The following PCCA variants were observed in gnomAD, a reference collection of about 807,000 sequenced individuals.
PCCA encodes the protein propionyl-CoA carboxylase alpha chain, mitochondrial.
In PCCA, 74 loss-of-function variants were observed where a neutral mutation model predicts 101.3. The observed-to-expected ratio is 0.73, with a 90% CI of 0.61 to 0.89. The LOEUF (loss-of-function observed/expected upper bound fraction) is 0.89. PCCA is among the 40% of genes least tolerant of loss of function. The pLI, the probability that PCCA is intolerant of heterozygous loss-of-function variation, is 0.00. For synonymous variants in PCCA, 294 were observed against 313.6 expected (o/e 0.94, Z 0.66); for missense variants, 891 against 907.0 (o/e 0.98, Z 0.23).
At chr13:100,421,928 G>A (rs889403047) in intron 19 of PCCA, among the ~76,000 whole-genome samples, 5 of 151,984 alleles carry the variant, frequency 3.3e-5, no homozygotes, top group South Asian at 2.1e-4. Context: ...TAGGTGATCC[G>A]CCCGCCTCGG....
intron 12 of PCCA, among the ~76,000 whole-genome samples, chr13:100,283,281 A>G (rs1259718740): frequency 6.6e-6 from 1 of 152,182 alleles, no homozygotes; most frequent in East Asian, 1.9e-4. Context: ...GAAAGGGACA[A>G]ATTCCCTACC....
At chr13:100,397,462 GA>G (rs1008733388) in intron 19 of PCCA, among the ~76,000 whole-genome samples, 93 of 152,118 alleles carry the variant, frequency 6.1e-4, no homozygotes, top group African/African-American at 2.2e-3. Context: ...TCATTTCTCT[GA>G]AAAAGTAATA....
At chr13:100,484,846 C>G (rs188669980) in intron 21 of PCCA, among the ~76,000 whole-genome samples, 1 of 152,176 alleles carries the variant, frequency 6.6e-6, no homozygotes, top group African/African-American at 2.4e-5. Context: ...CTGGTGAGCA[C>G]CTCGGTAGGA....
rs779126900 is a variant in PCCA at position 100,394,172 on chromosome 13, C to T, written c.1746+25598C>T. The stretch of plus-strand genomic sequence containing the variant: ...AGCTTCTCAGATGGATTTAATTAGT[C>T]CTTCGTAGAACTGGATGTCCGTTTG... On this transcript the variant is annotated intron_variant, in intron 19 of 23. Coordinates refer to ENST00000376285, the MANE Select transcript of PCCA (RefSeq NM_000282.4). The surrounding 1 kb of genome is among the most constrained non-coding windows in gnomAD (Gnocchi z 4.3). 1.2e-4 allele frequency among the ~76,000 whole-genome samples: 19 copies of T among 152,162 alleles called. No individual in the cohort carries two copies. The highest frequency in any genetic ancestry group is 2.1e-4 in the Non-Finnish European group (14 of 68,020).
At chr13:100,362,501 C>A (rs1279283271) in intron 18 of PCCA, among the ~76,000 whole-genome samples, 1 of 152,026 alleles carries the variant, frequency 6.6e-6, no homozygotes. Context: ...CACAAGGAGG[C>A]TAAGTAAGTT....
Position 100,520,451 on chromosome 13 carries a change from C to A in PCCA, c.2040+4884C>A, listed in dbSNP as rs188655409. The stretch of plus-strand genomic sequence containing the variant: ...TCACGAGGTCAGGAGATCGAGACCA[C>A]GGTGAAACCCCGTCTCTACTAAAAA... On this transcript the variant is annotated intron_variant, in intron 22 of 23. Coordinates refer to ENST00000376285, the MANE Select transcript of PCCA (RefSeq NM_000282.4). 9.2e-5 allele frequency among the ~76,000 whole-genome samples: 14 copies of A among 151,812 alleles called. No individual in the cohort carries two copies. In the East Asian group the frequency reaches 1.4e-3, roughly 15 times the overall value.
rs1181444150 is a variant in PCCA at position 100,273,181 on chromosome 13, T to G, written c.915-15T>G. The G allele has an allele frequency of 6.2e-7, 1 of 1,607,760 alleles. No individual in the cohort carries two copies. Among genetic ancestry groups the G allele is most frequent in the Admixed American group, 1.7e-5 (1 of 59,986 alleles). On this transcript the variant is annotated splice_polypyrimidine_tract_variant and intron_variant, in intron 11 of 23. Coordinates refer to ENST00000376285, the MANE Select transcript of PCCA (RefSeq NM_000282.4). ...TTTGTCCGAAATGTAGACAAACATT[T>G]TTTTGTATATGTAGCATTTTTTTGG...
chr13:100,469,224 A>AAAAAAAAAAAAAAAAAG (rs1235528727), intron 21 of PCCA, among the ~76,000 whole-genome samples: 12 of 150,296 alleles, frequency 8.0e-5, no homozygotes, highest in African/African-American at 2.9e-4. Context: ...AAAAAAAAAA[A>AAAAAAAAAAAAAAAAAG]AAAGAATCCC....
intron 15 of PCCA, among the ~76,000 whole-genome samples, chr13:100,307,606 A>G (rs184004635): frequency 1.8e-4 from 28 of 152,342 alleles, no homozygotes; most frequent in African/African-American, 6.7e-4. Flanking sequence ...AGATGGAAGT[A>G]TGAATGAATG....
intron 8 of PCCA, among the ~76,000 whole-genome samples, chr13:100,241,762 G>A (rs991971476): frequency 1.3e-5 from 2 of 152,104 alleles, no homozygotes; most frequent in Non-Finnish European, 2.9e-5. Context: ...ACTGCACCTG[G>A]CCTTATCTAT....
intron 6 of PCCA, among the ~76,000 whole-genome samples, chr13:100,158,959 A>G (rs868383030): frequency 1.3e-5 from 2 of 150,692 alleles, no homozygotes; most frequent in South Asian, 4.1e-4. Context: ...TATGAGTAGG[A>G]TAAGTGATGT....
At chr13:100,404,438 AAG>A in intron 19 of PCCA, among the ~76,000 whole-genome samples, 1 of 152,280 alleles carries the variant, frequency 6.6e-6, no homozygotes, top group Admixed American at 6.5e-5. Flanking sequence ...CCTATTTGCA[AAG>A]AGAGAACTGA....
At chr13:100,269,274 A>C (rs1010580085) in intron 11 of PCCA, among the ~76,000 whole-genome samples, 3 of 152,180 alleles carry the variant, frequency 2.0e-5, no homozygotes, top group Non-Finnish European at 4.4e-5. Context: ...TAATGTGTAA[A>C]AGGGAGAGAA....
chr13:100,374,147 AG>A (rs1232190476), intron 19 of PCCA, among the ~76,000 whole-genome samples: 2 of 151,920 alleles, frequency 1.3e-5, no homozygotes, highest in Non-Finnish European at 2.9e-5. Context: ...ATAAAAAAGG[AG>A]GTATGAAAAT....
Position 100,209,423 on chromosome 13 carries a change from C to T in PCCA, c.560C>T (p.Ala187Val). 6.2e-7 allele frequency: 1 copy of T among 1,613,288 alleles called. No homozygotes were observed. Among genetic ancestry groups the T allele is most frequent in the Non-Finnish European group, 8.5e-7 (1 of 1,179,310 alleles). ...GAAAGCAAATTATTAGCTAAGAAAG[C>T]AGAGGTTAATACAATCCCTGGCTTT... ...KIESKLLAKK[A>V]EVNTIPGFDG... is the part of the protein sequence containing the mutation. The change falls in exon 7 of 24, where the codon GCA becomes GTA. Residue 187 changes from alanine (A) to valine (V), a missense_variant. Physicochemically the swap from Ala to Val is moderately conservative, Grantham distance 64 (BLOSUM62 0). Transcript: ENST00000376285.
At chr13:100,473,225 G>C (rs1364388442) in intron 21 of PCCA, 1 of 152,214 alleles carries the variant, frequency 6.6e-6, no homozygotes, top group Non-Finnish European at 1.5e-5. Context: ...CGCCCCACAA[G>C]GGCCACCGCC....
rs181735655 is a variant in PCCA at position 100,406,017 on chromosome 13, G to A, written c.1747-19616G>A. 3.2e-4 allele frequency among the ~76,000 whole-genome samples: 48 copies of A among 151,978 alleles called. 1 individual carries two copies. The highest frequency in any genetic ancestry group is 8.3e-4 in the South Asian group (4 of 4,800). ...CTTGACCTCGTGATCCACCCGCCTC[G>A]GCCTCCCAAAGTGCTGGGATTACAG... On this transcript the variant is annotated intron_variant, in intron 19 of 23. Transcript: ENST00000376285.
At chr13:100,411,612 T>C (rs976928277) in intron 19 of PCCA, among the ~76,000 whole-genome samples, 1 of 152,200 alleles carries the variant, frequency 6.6e-6, no homozygotes, top group African/African-American at 2.4e-5. Flanking sequence ...ATGGGTGGCT[T>C]AAACAACAGT....
chr13:100,458,103 G>A (rs779166859), intron 21 of PCCA, among the ~76,000 whole-genome samples: 1 of 152,092 alleles, frequency 6.6e-6, no homozygotes, highest in Non-Finnish European at 1.5e-5. Flanking sequence ...GGTTTATTCT[G>A]TCTACTTTCA....
Sources: gnomAD v4.1 joint callset for allele counts (sites outside exome capture counted in the v4.1 genomes callset) on GRCh38, gnomAD v4.1.1 for gene constraint, Gnocchi (gnomAD v3.1) non-coding constraint, MANE v1.5 for transcripts, NCBI Gene and HGNC (gene_info 2026-07-23, HGNC 2026-07-21) for gene names.